The following HEXA variants were observed in gnomAD, a reference collection of about 807,000 sequenced individuals.
HEXA encodes beta-hexosaminidase subunit alpha.
HEXA carries 54 observed loss-of-function variants against 73.3 expected under a neutral mutation model. The observed-to-expected ratio is 0.74, with a 90% CI of 0.59 to 0.92. The LOEUF (loss-of-function observed/expected upper bound fraction) is 0.92, where lower values mean the gene tolerates loss of function less well. Ranked by LOEUF, HEXA falls within the 40% of genes least tolerant of loss-of-function variation. The pLI, the probability that HEXA is intolerant of heterozygous loss-of-function variation, is 0.00. For synonymous variants in HEXA, 230 were observed against 246.9 expected, an observed-to-expected ratio of 0.93 and a Z score of 0.64; for missense variants, 649 against 653.0, an observed-to-expected ratio of 0.99 and a Z score of 0.07.
At chr15:72,350,413 T>C (rs1302116167) in intron 7 of HEXA, 105 bp downstream of exon 7, 5 of 1,231,320 alleles carry the variant, frequency 4.1e-6, no homozygotes, top group Non-Finnish European at 6.0e-6. Flanking sequence ...AAAACATTCT[T>C]CTAAGGACCA....
intron 1 of HEXA, among the ~76,000 whole-genome samples, chr15:72,364,637 C>T (rs562621147): frequency 2.0e-5 from 3 of 152,060 alleles, no homozygotes; most frequent in South Asian, 4.2e-4. Context: ...TTTGATACTG[C>T]CAAATTCCTC....
chr15:72,375,158 A>G (rs1468541164), intron 1 of HEXA, among the ~76,000 whole-genome samples: 1 of 150,904 alleles, frequency 6.6e-6, no homozygotes, highest in Non-Finnish European at 1.5e-5. Flanking sequence ...GCGCGATCTC[A>G]GCTCACCACA....
chr15:72,365,675 T>G (rs2088907229), intron 1 of HEXA, among the ~76,000 whole-genome samples: 2 of 152,238 alleles, frequency 1.3e-5, no homozygotes. Context: ...CTTTTGAGTT[T>G]GATATGAGGT....
intron 1 of HEXA, among the ~76,000 whole-genome samples, chr15:72,366,449 C>T (rs1373237523): frequency 3.3e-5 from 5 of 151,964 alleles, no homozygotes; most frequent in African/African-American, 1.2e-4. Flanking sequence ...GCTGGGATTA[C>T]AGGTGTGCAC....
At chr15:72,349,790 G>A (rs568799508) in intron 7 of HEXA, among the ~76,000 whole-genome samples, 42 of 152,274 alleles carry the variant, frequency 2.8e-4, no homozygotes, top group African/African-American at 9.1e-4. Flanking sequence ...TTGAGACAGA[G>A]TCTTGCTCTG....
At position 72,343,488 on chromosome 15, in the gene HEXA, A is replaced by C. The variant is rs11629508; in HGVS notation, c.*589T>G. The C allele has an allele frequency of 0.75, 114,598 of 153,542 alleles. 48,932 individuals carry two copies. The highest frequency in any genetic ancestry group is 0.94 in the Non-Finnish European group (64,941 of 68,980). 9.5% of individuals were successfully genotyped at this position (153,542 alleles called of 1,614,324 possible). On this transcript the variant is annotated 3_prime_UTR_variant, in exon 14 of 14. Transcript: ENST00000268097. ...TTTAAATAATGGTTGTATAAAATTG[A>C]AGCAGCAAGAAACCCAAAGGAGAAT... is the stretch of plus-strand genomic sequence containing the variant.
chr15:72,346,328 G>C lies in HEXA; in HGVS notation c.1331-3C>G. 6.2e-7 allele frequency: 1 copy of C among 1,612,764 alleles called. No homozygotes were observed. On this transcript the variant is annotated splice_region_variant and splice_polypyrimidine_tract_variant and intron_variant, in intron 11 of 13. Coordinates refer to ENST00000268097, the MANE Select transcript of HEXA (RefSeq NM_000520.6). ...CAGAGCCTTCTGCTCAGGGGTACCT[G>C]AGGGAAAACAAGCAACAACAGTCTG...
chr15:72,371,512 G>A (rs1045260189), intron 1 of HEXA, among the ~76,000 whole-genome samples: 2 of 151,094 alleles, frequency 1.3e-5, no homozygotes, highest in Non-Finnish European at 2.9e-5. Context: ...CTTGAGCCTC[G>A]GAGGTCGAGG....
chr15:72,345,356 ATTG>A (rs2088596043), intron 13 of HEXA, 87 bp downstream of exon 13: 3 of 1,576,972 alleles, frequency 1.9e-6, no homozygotes, highest in Admixed American at 1.8e-5. Flanking sequence ...AGTGTTAGCT[ATTG>A]TTAATTATTG....
At position 72,347,760 on chromosome 15, in the gene HEXA, TGGAGA is replaced by T. The variant is rs759219683; in HGVS notation, c.1074-7_1074-3del. 1.2e-6 allele frequency: 2 copies of T among 1,613,984 alleles called. No homozygotes were observed. Among genetic ancestry groups the T allele is most frequent in the Non-Finnish European group, 1.7e-6 (2 of 1,179,844 alleles). Reference sequence around the variant, plus strand: ...TAAGAAGAGACGATGTCCAGCAGCCTGGAGAGGAGAGGAGTGTCTAGTAAGTGTCT... The same window carrying T: ...TAAGAAGAGACGATGTCCAGCAGCCTGGAGAGGAGTGTCTAGTAAGTGTCT... On this transcript the variant is annotated splice_polypyrimidine_tract_variant and splice_region_variant and intron_variant, in intron 9 of 13. Coordinates refer to ENST00000268097, the MANE Select transcript of HEXA (RefSeq NM_000520.6).
intron 1 of HEXA, among the ~76,000 whole-genome samples, chr15:72,364,977 A>G (rs888014203): frequency 8.6e-5 from 13 of 151,954 alleles, no homozygotes; most frequent in African/African-American, 3.1e-4. Context: ...GTGCACCAGC[A>G]TGTCAGGCTA....
In HEXA at chr15:72,375,845, T is replaced by C; in HGVS notation, c.128A>G (p.Asn43Ser). ...GCTGACATCGTACTGGAATTGAAAG[T>C]TGTTCGGGTAAAGGACGTAGCGCTG... ...SDQRYVLYPNNFQFQYDVSSA... is the reference protein window; with the variant it reads ...SDQRYVLYPNSFQFQYDVSSA... The change falls in exon 1 of 14, where the codon AAC becomes AGC. Residue 43 changes from asparagine to serine, a missense_variant. Physicochemically the swap from Asn to Ser is conservative, Grantham distance 46. Transcript: ENST00000268097. 3 of 1,614,214 alleles carry C rather than the reference T, an allele frequency of 1.9e-6. No individual in the cohort carries two copies. The highest frequency in any genetic ancestry group is 2.5e-6 in the Non-Finnish European group (3 of 1,180,024).
In HEXA at chr15:72,346,294, A is replaced by G; in HGVS notation, c.1362T>C (p.Gly454=). Reference sequence around the variant, plus strand: ...ATTCTCCCCACATACAAGCCTCTCCACCAATCACCAGAGCCTTCTGCTCAG... The same window carrying G: ...ATTCTCCCCACATACAAGCCTCTCCGCCAATCACCAGAGCCTTCTGCTCAG... The part of the protein sequence containing the change: ...GTPEQKALVI[G]GEACMWGEYV... Residue 454 remains glycine, a synonymous_variant, in exon 12 of 14, where the codon GGT becomes GGC. Coordinates refer to ENST00000268097, the MANE Select transcript of HEXA (RefSeq NM_000520.6). 6.2e-7 allele frequency: 1 copy of G among 1,614,002 alleles called. No individual in the cohort carries two copies. The highest frequency in any genetic ancestry group is 8.5e-7 in the Non-Finnish European group (1 of 1,179,930).
At chr15:72,364,298 CAG>C (rs1179852950) in intron 1 of HEXA, among the ~76,000 whole-genome samples, 3 of 150,646 alleles carry the variant, frequency 2.0e-5, no homozygotes, top group African/African-American at 7.3e-5. Flanking sequence ...AAAACAAAAA[CAG>C]AAAAAAAAAA....
rs181881350 is a variant in HEXA at position 72,350,447 on chromosome 15, G to A, written c.805+71C>T. 36 of 1,522,148 alleles carry A rather than the reference G, an allele frequency of 2.4e-5. No homozygotes were observed. In the East Asian group the frequency reaches 8.1e-4, roughly 34 times the overall value. 94.3% of individuals were successfully genotyped at this position (1,522,148 alleles called of 1,614,324 possible). Reference sequence around the variant, plus strand: ...CAAGGCTGGGATATGCCACTTCCATGAGCCAGTGCCCTGAAGCTTCACTCT... The same window carrying A: ...CAAGGCTGGGATATGCCACTTCCATAAGCCAGTGCCCTGAAGCTTCACTCT... On this transcript the variant is annotated intron_variant, in intron 7 of 13. Transcript: ENST00000268097.
At position 72,349,212 on chromosome 15, in the gene HEXA, C is replaced by CAG; in HGVS notation, c.851_852dup (p.Gly285LeufsTer7). 3.1e-6 allele frequency: 5 copies of CAG among 1,614,106 alleles called. No homozygotes were observed. Among genetic ancestry groups the CAG allele is most frequent in the Non-Finnish European group, 4.2e-6 (5 of 1,179,982 alleles). ...CTGGGATTCACTGGTCCAAAGGTGC[C>CAG]AGAGGGCTCAGACCCAGAGTAGCAA... On this transcript the variant is annotated frameshift_variant, in exon 8 of 14. Coordinates refer to ENST00000268097, the MANE Select transcript of HEXA (RefSeq NM_000520.6). LOFTEE classifies it high-confidence loss of function.
chr15:72,364,823 T>A lies in HEXA; in HGVS notation c.254-8206A>T, dbSNP rs929457724. Among the ~76,000 whole-genome samples, 34 of 150,076 alleles carry A rather than the reference T, an allele frequency of 2.3e-4. No homozygotes were observed. The East Asian group carries it at 4.9e-3, about 21-fold the overall frequency. On this transcript the variant is annotated intron_variant, in intron 1 of 13. Coordinates refer to ENST00000268097, the MANE Select transcript of HEXA (RefSeq NM_000520.6). ...TCTTTTTAAGTTTTAATTTAATTTTTTTTTTTTTTTTTTTTAGAGACAGGG... is the reference window on the plus strand; with the variant it reads ...TCTTTTTAAGTTTTAATTTAATTTTATTTTTTTTTTTTTTTAGAGACAGGG...
rs771384167 is a variant in HEXA at position 72,375,998 on chromosome 15, G to C, written c.-26C>G. ...GGCCCGCTGGTCTCCCCTCTCGGAG[G>C]GGGCTGGCCACGTGAGACCCTGGTC... On this transcript the variant is annotated 5_prime_UTR_variant, in exon 1 of 14. Transcript: ENST00000268097. The C allele has an allele frequency of 6.2e-7, 1 of 1,610,126 alleles. No homozygotes were observed. Among genetic ancestry groups the C allele is most frequent in the Non-Finnish European group, 8.5e-7 (1 of 1,179,950 alleles).
At chr15:72,344,191 C>T (rs2088582321) in intron 13 of HEXA, 51 bp from the exon 14 acceptor site, 22 of 1,376,600 alleles carry the variant, frequency 1.6e-5, no homozygotes, top group Middle Eastern at 1.8e-4. Flanking sequence ...GAAGGGGCCC[C>T]AGCAACACTT....
Sources: allele counts gnomAD v4.1 joint callset (sites outside exome capture counted in the v4.1 genomes callset), GRCh38; gene constraint gnomAD v4.1.1; transcripts MANE v1.5; gene names NCBI Gene and HGNC (gene_info 2026-07-23, HGNC 2026-07-21).